Variants in RERG observed in about 807,000 individuals in gnomAD.
RERG encodes the protein ras-related and estrogen-regulated growth inhibitor.
RERG carries 25 observed loss-of-function variants against 23.2 expected under a neutral mutation model. That is an observed-to-expected ratio of 1.08 (90% CI 0.79 to 1.50). RERG has a LOEUF of 1.50. Ranked by LOEUF, RERG falls within the 40% of genes most tolerant of loss-of-function variation. The probability of loss-of-function intolerance (pLI) is 0.00; values close to 1 mark genes in which losing one functional copy is unlikely to be tolerated. For synonymous variants in RERG, 81 were observed against 89.1 expected, an observed-to-expected ratio of 0.91 and a Z score of 0.51; for missense variants, 253 against 250.1, an observed-to-expected ratio of 1.01 and a Z score of -0.08.
At chr12:15,122,146 T>C (rs1274040057) in intron 2 of RERG, among the ~76,000 whole-genome samples, 1 of 152,126 alleles carries the variant, frequency 6.6e-6, no homozygotes, top group Non-Finnish European at 1.5e-5. Flanking sequence ...AGCAGGCTCA[T>C]GAGCCCTCCA....
chr12:15,190,714 A>G (rs867729381), intron 2 of RERG, among the ~76,000 whole-genome samples: 3 of 152,216 alleles, frequency 2.0e-5, no homozygotes, highest in African/African-American at 7.2e-5. Context: ...AAAAGAAGGA[A>G]GAACACAGTA....
chr12:15,214,561 C>T (rs1381213532), intron 2 of RERG, among the ~76,000 whole-genome samples: 2 of 152,194 alleles, frequency 1.3e-5, no homozygotes, highest in Non-Finnish European at 2.9e-5. Flanking sequence ...ACCTATAAGA[C>T]TGATAAAGTC....
intron 2 of RERG, among the ~76,000 whole-genome samples, chr12:15,129,674 AG>A (rs1864010071): frequency 6.6e-6 from 1 of 152,046 alleles, no homozygotes; most frequent in Non-Finnish European, 1.5e-5. Context: ...AAGACACAAG[AG>A]AGCTAGTTCA....
chr12:15,174,900 C>A (rs927674714), intron 2 of RERG, among the ~76,000 whole-genome samples: 3 of 151,876 alleles, frequency 2.0e-5, no homozygotes, highest in Non-Finnish European at 4.4e-5. Flanking sequence ...TCTATTAGTT[C>A]TTTAAACACT....
intron 2 of RERG, among the ~76,000 whole-genome samples, chr12:15,125,908 G>A (rs1472300596): frequency 2.6e-5 from 4 of 151,296 alleles, no homozygotes; most frequent in East Asian, 3.9e-4. Context: ...ATATGGATAC[G>A]GATATGAATA....
Position 15,109,334 on chromosome 12 carries a change from T to A in RERG, c.376A>T (p.Arg126Trp), listed in dbSNP as rs1863558720. The A allele has an allele frequency of 1.2e-6, 2 of 1,614,128 alleles. No homozygotes were observed. Among genetic ancestry groups the A allele is most frequent in the Non-Finnish European group, 1.7e-6 (2 of 1,180,018 alleles). Residue 126 changes from arginine to tryptophan, a missense_variant, in exon 5 of 5, where the codon AGG becomes TGG. By Grantham distance (101) the Arg-to-Trp change is moderately radical (BLOSUM62 -3). Coordinates refer to ENST00000256953, the MANE Select transcript of RERG (RefSeq NM_032918.3). The part of the protein sequence containing the change: ...VGNKADLDHS[R>W]QVSTEEGEKL... ...TCTCCTTCTTCTGTGCTAACCTGCC[T>A]GGAGTGGTCCAAGTCAGCTTTGTTT...
intron 2 of RERG, among the ~76,000 whole-genome samples, chr12:15,145,061 G>A (rs1191924321): frequency 1.3e-5 from 2 of 152,168 alleles, no homozygotes; most frequent in Non-Finnish European, 2.9e-5. Flanking sequence ...GTAAACCAGA[G>A]CACAGATGCA....
In RERG at chr12:15,211,343, C is replaced by A. The variant is rs543596489; in HGVS notation, c.61+6086G>T. ...CACACACACACTATGGAATGCTATT[C>A]GGCCTTAAAAAGGCAGAAAATTCTA... On this transcript the variant is annotated intron_variant, in intron 2 of 4. Coordinates refer to ENST00000256953, the MANE Select transcript of RERG (RefSeq NM_032918.3). Among the ~76,000 whole-genome samples the A allele has an allele frequency of 1.3e-4, 19 of 150,122 alleles. No individual in the cohort carries two copies. In the East Asian group the frequency reaches 2.4e-3, roughly 19 times the overall value.
chr12:15,183,734 C>G (rs1231218775), intron 2 of RERG, among the ~76,000 whole-genome samples: 2 of 151,974 alleles, frequency 1.3e-5, no homozygotes, highest in African/African-American at 2.4e-5. Context: ...TAGTTTGTCC[C>G]AAATCCAGAA....
intron 2 of RERG, among the ~76,000 whole-genome samples, chr12:15,133,056 T>TA (rs1340490121): frequency 1.4e-5 from 2 of 145,916 alleles, no homozygotes; most frequent in Non-Finnish European, 3.0e-5. Context: ...TTTTTTTTTT[T>TA]AACAATGATG....
chr12:15,131,295 T>C (rs1017010216), intron 2 of RERG, among the ~76,000 whole-genome samples: 3 of 152,098 alleles, frequency 2.0e-5, no homozygotes, highest in Non-Finnish European at 4.4e-5. Context: ...TTTATATAAG[T>C]TGAAAAATAT....
chr12:15,154,919 A>G (rs1300288123), intron 2 of RERG, among the ~76,000 whole-genome samples: 1 of 152,216 alleles, frequency 6.6e-6, no homozygotes, highest in Non-Finnish European at 1.5e-5. Context: ...GTAGTATTAT[A>G]TATTTTCATT....
chr12:15,151,138 G>C (rs1864434825), intron 2 of RERG, among the ~76,000 whole-genome samples: 1 of 152,108 alleles, frequency 6.6e-6, no homozygotes, highest in Non-Finnish European at 1.5e-5. Context: ...TGGTTTTGTT[G>C]TGACTATGGG....
intron 2 of RERG, among the ~76,000 whole-genome samples, chr12:15,189,201 T>C (rs11056395): frequency 0.11 from 17,202 of 152,204 alleles, 991 homozygotes; most frequent in South Asian, 0.15. Flanking sequence ...TTGCTTAAAA[T>C]ATTCCAATGG....
At chr12:15,219,941 T>A (rs541794361) in intron 1 of RERG, among the ~76,000 whole-genome samples, 1 of 152,326 alleles carries the variant, frequency 6.6e-6, no homozygotes, top group East Asian at 1.9e-4. Context: ...TTTCCATTTA[T>A]AACCTAATAA....
At chr12:15,203,755 C>T (rs60278234) in intron 2 of RERG, among the ~76,000 whole-genome samples, 399 of 151,592 alleles carry the variant, frequency 2.6e-3, no homozygotes, top group African/African-American at 8.7e-3. Context: ...AAACAAAAAA[C>T]GATTGCACAT....
At chr12:15,146,090 C>T (rs1486085055) in intron 2 of RERG, among the ~76,000 whole-genome samples, 1 of 152,150 alleles carries the variant, frequency 6.6e-6, no homozygotes, top group Non-Finnish European at 1.5e-5. Context: ...TCTTTAGAAT[C>T]TCAAGAAAAG....
intron 1 of RERG, among the ~76,000 whole-genome samples, chr12:15,220,841 C>T (rs1865502860): frequency 6.6e-6 from 1 of 152,160 alleles, no homozygotes; most frequent in African/African-American, 2.4e-5. Flanking sequence ...ACGCAGTACC[C>T]ACAGCAAACC....
At chr12:15,191,560 C>T (rs986757886) in intron 2 of RERG, among the ~76,000 whole-genome samples, 2 of 152,134 alleles carry the variant, frequency 1.3e-5, no homozygotes, top group African/African-American at 4.8e-5. Context: ...ACACAATGTG[C>T]ACTCTACTTA....
Sources: gnomAD v4.1 joint callset for allele counts (sites outside exome capture counted in the v4.1 genomes callset) on GRCh38, gnomAD v4.1.1 for gene constraint, MANE v1.5 for transcripts, NCBI Gene and HGNC (gene_info 2026-07-23, HGNC 2026-07-21) for gene names.